The following ADAMTSL1 variants were observed in gnomAD, a reference collection of about 807,000 sequenced individuals.
The protein encoded by ADAMTSL1 is ADAMTS-like protein 1.
In ADAMTSL1, 126 loss-of-function variants were observed where a neutral mutation model predicts 201.8. The observed-to-expected ratio is 0.62, with a 90% CI of 0.54 to 0.72. The LOEUF is 0.72. Among genes scored for constraint, ADAMTSL1 ranks in the 30% least tolerant of loss-of-function variants. The probability of loss-of-function intolerance (pLI) is 0.00; values close to 1 mark genes in which losing one functional copy is unlikely to be tolerated. For missense variants in ADAMTSL1, 2,679 were observed against 2,277.8 expected (o/e 1.18, Z -3.59); for synonymous variants, 1,121 against 903.4 (o/e 1.24, Z -4.32).
chr9:18,123,130 A>G (rs1825576169), intron 1 of ADAMTSL1, among the ~76,000 whole-genome samples: 1 of 152,196 alleles, frequency 6.6e-6, no homozygotes, highest in Non-Finnish European at 1.5e-5. Flanking sequence ...CTTACATTGA[A>G]TTTAAAATCC....
At chr9:18,509,908 C>G (rs910141626) in intron 2 of ADAMTSL1, among the ~76,000 whole-genome samples, 1 of 152,162 alleles carries the variant, frequency 6.6e-6, no homozygotes, top group Admixed American at 6.5e-5. Context: ...TGGGTTCTGT[C>G]TCATTTCTCC....
chr9:18,811,433 C>A (rs1352184229), intron 20 of ADAMTSL1, among the ~76,000 whole-genome samples: 1 of 152,202 alleles, frequency 6.6e-6, no homozygotes, highest in African/African-American at 2.4e-5. Context: ...GGTGAGGAGG[C>A]TCCTCCCACA....
intron 2 of ADAMTSL1, among the ~76,000 whole-genome samples, chr9:18,294,709 C>T (rs1833404829): frequency 6.6e-6 from 1 of 152,060 alleles, no homozygotes; most frequent in South Asian, 2.1e-4. Context: ...AGCTGTGCAC[C>T]CCCTTCTCTC....
intron 2 of ADAMTSL1, among the ~76,000 whole-genome samples, chr9:18,276,983 C>A (rs1330780038): frequency 1.3e-5 from 2 of 152,086 alleles, no homozygotes; most frequent in Admixed American, 6.5e-5. Flanking sequence ...TTTAAATTTC[C>A]CTTTTAATTT....
At chr9:18,499,073 A>G (rs1822694506) in intron 1 of ADAMTSL1, among the ~76,000 whole-genome samples, 1 of 152,252 alleles carries the variant, frequency 6.6e-6, no homozygotes, top group South Asian at 2.1e-4. Context: ...ACACCCTGTT[A>G]CAGAATTGAC....
chr9:17,932,348 C>A (rs1362724676), intron 1 of ADAMTSL1, among the ~76,000 whole-genome samples: 1 of 152,072 alleles, frequency 6.6e-6, no homozygotes, highest in Non-Finnish European at 1.5e-5. Context: ...GCAGATAAAG[C>A]TGAATGTAGG....
Position 18,514,327 on chromosome 9 carries a change from C to CTTTTT in ADAMTSL1, c.191+9390_191+9394dup, listed in dbSNP as rs397963773. 5.6e-3 allele frequency among the ~76,000 whole-genome samples: 561 copies of CTTTTT among 100,076 alleles called. 2 individuals are homozygous for CTTTTT. Among genetic ancestry groups the CTTTTT allele is most frequent in the Non-Finnish European group, 6.9e-3 (340 of 49,354 alleles). The allele number at this position is 100,076 out of a possible 152,430, so 65.7% of individuals were successfully genotyped here. ...GTAGAATTGCAACTGATTTTTCTTT[C>CTTTTT]TTTTTTTTTTTTTTTTTTTTTTTGA... On this transcript the variant is annotated intron_variant, in intron 2 of 28. Coordinates refer to ENST00000380548, the MANE Select transcript of ADAMTSL1 (RefSeq NM_001040272.6).
chr9:18,801,998 C>T (rs376254052), intron 20 of ADAMTSL1, among the ~76,000 whole-genome samples: 26 of 152,184 alleles, frequency 1.7e-4, no homozygotes, highest in South Asian at 1.2e-3. Context: ...GAGTTGTGGC[C>T]GGGCACAGTG....
chr9:18,657,637 A>T lies in ADAMTSL1; in HGVS notation c.835-2A>T. 1 of 1,612,570 alleles carries T rather than the reference A, an allele frequency of 6.2e-7. No individual in the cohort carries two copies. The highest frequency in any genetic ancestry group is 8.5e-7 in the Non-Finnish European group (1 of 1,178,576). ...CTTCTACTTTCCTGTTGACTCCTGC[A>T]GATTCGTAACTCGGGCTCCGCTGAC... On this transcript the variant is annotated splice_acceptor_variant, in intron 7 of 28. Transcript: ENST00000380548. LOFTEE classifies it high-confidence loss of function.
chr9:18,802,275 A>G (rs1165273431), intron 20 of ADAMTSL1, among the ~76,000 whole-genome samples: 2 of 152,016 alleles, frequency 1.3e-5, no homozygotes, highest in African/African-American at 2.4e-5. Context: ...TGTCTCCAAA[A>G]ACAAAAAAAA....
At chr9:18,130,231 A>T (rs10738502) in intron 1 of ADAMTSL1, among the ~76,000 whole-genome samples, 2 of 151,538 alleles carry the variant, frequency 1.3e-5, no homozygotes, top group African/African-American at 2.4e-5. Flanking sequence ...CGCATTAGTC[A>T]TTGCGGGAAG....
chr9:17,916,295 C>T (rs992559946), intron 1 of ADAMTSL1, among the ~76,000 whole-genome samples: 1 of 152,152 alleles, frequency 6.6e-6, no homozygotes, highest in Non-Finnish European at 1.5e-5. Context: ...ATTTTCTTAA[C>T]AGTGTCCTTT....
At chr9:17,915,430 G>T (rs1392817234) in intron 1 of ADAMTSL1, among the ~76,000 whole-genome samples, 2 of 152,134 alleles carry the variant, frequency 1.3e-5, no homozygotes, top group African/African-American at 4.8e-5. Flanking sequence ...GCATTGTATA[G>T]ATAGACCACA....
intron 3 of ADAMTSL1, among the ~76,000 whole-genome samples, chr9:18,564,019 A>C (rs1251781559): frequency 6.6e-6 from 1 of 152,146 alleles, no homozygotes; most frequent in Non-Finnish European, 1.5e-5. Flanking sequence ...CAGGGGAGTG[A>C]ATGTTTCTGT....
chr9:18,044,957 C>A (rs1176659907), intron 1 of ADAMTSL1, among the ~76,000 whole-genome samples: 1 of 151,992 alleles, frequency 6.6e-6, no homozygotes, highest in Non-Finnish European at 1.5e-5. Flanking sequence ...ACTTTTATTC[C>A]TAAATATGTT....
At chr9:18,177,676 G>A (rs1257617999) in intron 2 of ADAMTSL1, among the ~76,000 whole-genome samples, 5 of 152,192 alleles carry the variant, frequency 3.3e-5, no homozygotes, top group African/African-American at 1.2e-4. Flanking sequence ...TGAGAAAGAG[G>A]AAAGGACAAA....
chr9:18,039,998 A>G (rs1351711667), intron 1 of ADAMTSL1, among the ~76,000 whole-genome samples: 2 of 152,202 alleles, frequency 1.3e-5, no homozygotes, highest in African/African-American at 2.4e-5. Flanking sequence ...TAGAATGACC[A>G]TATTATTGTG....
chr9:18,624,879 C>T (rs561094770), intron 5 of ADAMTSL1, among the ~76,000 whole-genome samples: 20 of 152,296 alleles, frequency 1.3e-4, no homozygotes, highest in Admixed American at 9.2e-4. Flanking sequence ...ATTATACATA[C>T]TGACAAAATG....
intron 1 of ADAMTSL1, among the ~76,000 whole-genome samples, chr9:18,485,429 C>T (rs1395511398): frequency 1.3e-5 from 2 of 152,136 alleles, no homozygotes; most frequent in South Asian, 4.1e-4. Flanking sequence ...CCTTGAAACA[C>T]AAAGATAAAC....
Sources: gnomAD v4.1 joint callset for allele counts (sites outside exome capture counted in the v4.1 genomes callset) on GRCh38, gnomAD v4.1.1 for gene constraint, MANE v1.5 for transcripts, NCBI Gene and HGNC (gene_info 2026-07-23, HGNC 2026-07-21) for gene names.